The following MLKL variants were observed in gnomAD, a reference collection of about 807,000 sequenced individuals.
MLKL encodes mixed lineage kinase domain like pseudokinase.
Under a neutral mutation model 56.5 loss-of-function variants are expected in MLKL, and 55 were observed. The ratio of observed to expected loss-of-function variants is 0.97; its 90% CI spans 0.78 to 1.22. The LOEUF (loss-of-function observed/expected upper bound fraction) is 1.22. Ranked by LOEUF, MLKL falls within the 50% of genes most tolerant of loss-of-function variation. MLKL has a pLI of 0.00. For missense variants in MLKL, 694 were observed against 573.9 expected, an observed-to-expected ratio of 1.21 and a Z score of -2.14; for synonymous variants, 251 against 208.3, an observed-to-expected ratio of 1.20 and a Z score of -1.76.
chr16:74,675,275 C>A lies in MLKL; in HGVS notation c.1240+80G>T, dbSNP rs1335704601. 2.5e-6 allele frequency: 4 copies of A among 1,599,870 alleles called. No individual in the cohort carries two copies. In the African/African-American group the frequency reaches 5.4e-5, roughly 21 times the overall value. ...ACATTAAACAACAAATTGCCAGGGGCAGCACTGATGGGGAATTTCTGGTCT... is the reference window on the plus strand; with the variant it reads ...ACATTAAACAACAAATTGCCAGGGGAAGCACTGATGGGGAATTTCTGGTCT... On this transcript the variant is annotated intron_variant, in intron 9 of 10. Coordinates refer to ENST00000308807, the MANE Select transcript of MLKL (RefSeq NM_152649.4).
intron 5 of MLKL, among the ~76,000 whole-genome samples, 194 bp downstream of exon 5, chr16:74,685,292 C>A (rs1486223341): frequency 2.6e-5 from 4 of 152,060 alleles, no homozygotes; most frequent in African/African-American, 9.7e-5. Context: ...ACCCCTCAGC[C>A]TTCAGCCCTG....
At chr16:74,675,244 G>A in intron 9 of MLKL, 111 bp downstream of exon 9, 2 of 1,573,182 alleles carry the variant, frequency 1.3e-6, no homozygotes, top group Admixed American at 1.7e-5. Context: ...AGCCCAGGCA[G>A]TTCCCACATT....
At chr16:74,694,662 C>T (rs551251189) in intron 2 of MLKL, among the ~76,000 whole-genome samples, 1 of 152,024 alleles carries the variant, frequency 6.6e-6, no homozygotes, top group Non-Finnish European at 1.5e-5. Context: ...ACCAGCCACT[C>T]GGGAGCCTGA....
At chr16:74,700,250 C>T (rs1023937417) in intron 1 of MLKL, among the ~76,000 whole-genome samples, 2 of 152,100 alleles carry the variant, frequency 1.3e-5, no homozygotes, top group African/African-American at 4.8e-5. Flanking sequence ...CCCACTGCTA[C>T]TGGGCGTCTC....
intron 1 of MLKL, among the ~76,000 whole-genome samples, chr16:74,696,838 A>G (rs926928867): frequency 1.3e-4 from 19 of 150,078 alleles, no homozygotes; most frequent in African/African-American, 4.6e-4. Context: ...CATGCCTGTA[A>G]TCCCAGCTAC....
intron 1 of MLKL, among the ~76,000 whole-genome samples, chr16:74,699,555 T>C (rs76573484): frequency 0.018 from 2,786 of 152,248 alleles, 82 homozygotes; most frequent in African/African-American, 0.064. Flanking sequence ...TAGGAACTTA[T>C]GATGTAGAAA....
chr16:74,687,989 C>T (rs1305233707), intron 4 of MLKL, among the ~76,000 whole-genome samples: 1 of 152,160 alleles, frequency 6.6e-6, no homozygotes, highest in Non-Finnish European at 1.5e-5. Context: ...CCACACCTGG[C>T]TAATTTTTTG....
At chr16:74,693,470 A>AAG (rs1966371840) in intron 2 of MLKL, among the ~76,000 whole-genome samples, 1 of 20,524 alleles carries the variant, frequency 4.9e-5, no homozygotes, top group Non-Finnish European at 8.3e-5. Context: ...AAAAAAAAAG[A>AAG]AAAGAAAAAA....
chr16:74,675,173 G>T, intron 9 of MLKL, 73 bp from the exon 10 acceptor site: 1 of 1,582,712 alleles, frequency 6.3e-7, no homozygotes, highest in Non-Finnish European at 8.6e-7. Context: ...CTGATGGCTG[G>T]CATCAGAACT....
At chr16:74,675,475 A>G in intron 8 of MLKL, 71 bp from the exon 9 acceptor site, 1 of 1,582,962 alleles carries the variant, frequency 6.3e-7, no homozygotes, top group Non-Finnish European at 8.6e-7. Context: ...AGCCACTGCC[A>G]GAAAACTCAG....
intron 2 of MLKL, among the ~76,000 whole-genome samples, chr16:74,693,138 C>T (rs1202574931): frequency 6.6e-6 from 1 of 152,168 alleles, no homozygotes; most frequent in Admixed American, 6.5e-5. Flanking sequence ...AGCAATTCCA[C>T]TTCTGGGAAT....
chr16:74,686,268 G>A (rs1206586428), intron 4 of MLKL, among the ~76,000 whole-genome samples: 1 of 151,910 alleles, frequency 6.6e-6, no homozygotes, highest in South Asian at 2.1e-4. Context: ...AGCCCGTGGT[G>A]TGTGTCTTTG....
At position 74,698,880 on chromosome 16, in the gene MLKL, G is replaced by A. The variant is rs930492782; in HGVS notation, c.-3+1573C>T. On this transcript the variant is annotated intron_variant, in intron 1 of 10. Coordinates refer to ENST00000308807, the MANE Select transcript of MLKL (RefSeq NM_152649.4). ...TGTAATCTCAGCGCTTTGGAAGGCC[G>A]AGGCAGGTGGATCACCTGAGGTCGG... 2.6e-5 allele frequency among the ~76,000 whole-genome samples: 4 copies of A among 152,164 alleles called. No individual in the cohort carries two copies. In the East Asian group the frequency reaches 5.8e-4, roughly 22 times the overall value.
At chr16:74,679,582 T>C (rs995148257) in intron 6 of MLKL, among the ~76,000 whole-genome samples, 1 of 152,102 alleles carries the variant, frequency 6.6e-6, no homozygotes, top group Non-Finnish European at 1.5e-5. Flanking sequence ...CCAAGGTGGA[T>C]GGATCACTTG....
At chr16:74,674,156 CTTT>C (rs11408099) in intron 10 of MLKL, among the ~76,000 whole-genome samples, 7 of 138,500 alleles carry the variant, frequency 5.1e-5, no homozygotes, top group Admixed American at 1.5e-4. Context: ...GAATAGCATT[CTTT>C]TTTTTTTTTT....
At chr16:74,693,836 C>A (rs1897050690) in intron 2 of MLKL, among the ~76,000 whole-genome samples, 1 of 152,114 alleles carries the variant, frequency 6.6e-6, no homozygotes, top group South Asian at 2.1e-4. Flanking sequence ...ATCTCCTGAC[C>A]TCATGATCCG....
rs1555534223 is a variant in MLKL, at chr16:74,693,477, A to AGAAAG, written c.461-1062_461-1061insCTTTC. ...TCAAAAAAAAAAAAAAAGAAAAGAA[A>AGAAAG]AAAGAAAGAAAGAAAGAAAGAAAAG... On this transcript the variant is annotated intron_variant, in intron 2 of 10. Transcript: ENST00000308807. Among the ~76,000 whole-genome samples, 285 of 124,588 alleles carry AGAAAG rather than the reference A, an allele frequency of 2.3e-3. 1 individual carries two copies. The highest frequency in any genetic ancestry group is 4.4e-3 in the Middle Eastern group (1 of 226). 81.7% of individuals were successfully genotyped at this position (124,588 alleles called of 152,430 possible).
chr16:74,682,394 T>C (rs1208173764), intron 6 of MLKL, among the ~76,000 whole-genome samples: 1 of 152,210 alleles, frequency 6.6e-6, no homozygotes, highest in Non-Finnish European at 1.5e-5. Context: ...GCTAAATCTG[T>C]CCACTCCAAA....
At chr16:74,697,327 T>C (rs187225601) in intron 1 of MLKL, among the ~76,000 whole-genome samples, 51 of 152,224 alleles carry the variant, frequency 3.4e-4, no homozygotes, top group Non-Finnish European at 5.1e-4. Context: ...TGAACTGACA[T>C]GAAGTGTACC....
Sources: gnomAD v4.1 joint callset for allele counts (sites outside exome capture counted in the v4.1 genomes callset) on GRCh38, gnomAD v4.1.1 for gene constraint, MANE v1.5 for transcripts, NCBI Gene and HGNC (gene_info 2026-07-23, HGNC 2026-07-21) for gene names.